LRMDA: variants seen among roughly 807,000 people sequenced by gnomAD.
LRMDA encodes leucine-rich melanocyte differentiation-associated protein.
In LRMDA, 18 loss-of-function variants were observed where a neutral mutation model predicts 29.8. The ratio of observed to expected loss-of-function variants is 0.60; its 90% CI spans 0.42 to 0.90. The LOEUF (loss-of-function observed/expected upper bound fraction) is 0.90. LRMDA is among the 40% of genes least tolerant of loss of function. LRMDA has a pLI of 0.00. For missense variants in LRMDA, 273 were observed against 273.9 expected, an observed-to-expected ratio of 1.00 and a Z score of 0.02; for synonymous variants, 125 against 109.4, an observed-to-expected ratio of 1.14 and a Z score of -0.89.
Position 75,558,633 on chromosome 10 carries a change from A to T in LRMDA, c.131+120139A>T, listed in dbSNP as rs1840248172. On this transcript the variant is annotated intron_variant, in intron 2 of 6. Transcript: ENST00000611255. ...GCCGTGCTGGTGTGCTGCACCCATT[A>T]ACTCGTCATTTAGCATTAGGTATAT... Among the ~76,000 whole-genome samples the T allele has an allele frequency of 2.0e-5, 3 of 149,356 alleles. No homozygotes were observed. The South Asian group carries it at 6.6e-4, about 33-fold the overall frequency.
intron 6 of LRMDA, among the ~76,000 whole-genome samples, chr10:76,439,298 A>C (rs1402430460): frequency 6.6e-6 from 1 of 152,194 alleles, no homozygotes. Context: ...AGGAAAGCTC[A>C]AAGACATATC....
intron 6 of LRMDA, among the ~76,000 whole-genome samples, chr10:76,335,545 A>G (rs2132412421): frequency 6.6e-6 from 1 of 152,344 alleles, no homozygotes; most frequent in Admixed American, 6.5e-5. Context: ...TCCTAATGAC[A>G]TGTGCCCAAG....
In LRMDA at chr10:76,499,302, A is replaced by G. The variant is rs1420020218; in HGVS notation, c.602-57907A>G. ...AAGTACTAATCTACTTTCTCTATAT[A>G]TGTATTTGCGCATTCTGGACATTTC... On this transcript the variant is annotated intron_variant, in intron 6 of 6. Coordinates refer to ENST00000611255, the MANE Select transcript of LRMDA (RefSeq NM_001305581.2). Among the ~76,000 whole-genome samples, 2 of 73,992 alleles carry G rather than the reference A, an allele frequency of 2.7e-5. 1 individual carries two copies. The highest frequency in any genetic ancestry group is 6.6e-5 in the African/African-American group (2 of 30,478). 48.5% of individuals were successfully genotyped at this position (73,992 alleles called of 152,430 possible).
At chr10:75,497,619 C>A (rs1026870001) in intron 2 of LRMDA, among the ~76,000 whole-genome samples, 1 of 151,404 alleles carries the variant, frequency 6.6e-6, no homozygotes, top group African/African-American at 2.4e-5. Flanking sequence ...CCTGCTCCCT[C>A]CCCTCCATAG....
chr10:76,080,891 A>G (rs1849038630), intron 5 of LRMDA, among the ~76,000 whole-genome samples: 1 of 152,066 alleles, frequency 6.6e-6, no homozygotes, highest in Non-Finnish European at 1.5e-5. Flanking sequence ...GCTTGCTTAT[A>G]TTTTCAGTTA....
At chr10:75,689,545 G>GT (rs1411667885) in intron 2 of LRMDA, among the ~76,000 whole-genome samples, 2 of 152,144 alleles carry the variant, frequency 1.3e-5, no homozygotes, top group African/African-American at 4.8e-5. Context: ...ATCATCGGAT[G>GT]TGAGTTATCT....
chr10:75,728,179 A>G (rs1193766884), intron 2 of LRMDA, among the ~76,000 whole-genome samples: 1 of 152,154 alleles, frequency 6.6e-6, no homozygotes, highest in Non-Finnish European at 1.5e-5. Context: ...TGTTGGTTTG[A>G]CTGCAAAGCC....
intron 2 of LRMDA, among the ~76,000 whole-genome samples, chr10:76,000,355 G>A (rs1020418434): frequency 2.0e-5 from 3 of 152,130 alleles, no homozygotes; most frequent in Admixed American, 6.5e-5. Flanking sequence ...TCTCCTGGGA[G>A]CCATCAGCCT....
intron 2 of LRMDA, among the ~76,000 whole-genome samples, chr10:75,742,176 C>T (rs541349829): frequency 1.6e-4 from 25 of 152,324 alleles, no homozygotes; most frequent in South Asian, 4.1e-4. Context: ...GTAAGATGCA[C>T]GTTCCTTGCT....
chr10:76,501,759 G>T (rs1482308852), intron 6 of LRMDA, among the ~76,000 whole-genome samples: 2 of 151,572 alleles, frequency 1.3e-5, no homozygotes, highest in South Asian at 2.1e-4. Context: ...TGGATATTAG[G>T]TCTTTGTTGG....
At chr10:76,301,737 A>C (rs1481933921) in intron 5 of LRMDA, among the ~76,000 whole-genome samples, 2 of 152,246 alleles carry the variant, frequency 1.3e-5, no homozygotes, top group Non-Finnish European at 2.9e-5. Context: ...AACAGTAGAA[A>C]TAACCTTTTG....
intron 2 of LRMDA, among the ~76,000 whole-genome samples, chr10:75,900,917 T>G (rs1845659546): frequency 6.6e-6 from 1 of 152,194 alleles, no homozygotes; most frequent in South Asian, 2.1e-4. Context: ...TGCTGGATAA[T>G]CATATTTGCA....
chr10:75,717,975 C>A (rs1842522098), intron 2 of LRMDA, among the ~76,000 whole-genome samples: 1 of 152,074 alleles, frequency 6.6e-6, no homozygotes, highest in Admixed American at 6.5e-5. Context: ...ATGTAGTCCC[C>A]AGCTAGTGAG....
chr10:75,638,921 A>G (rs1376485949), intron 2 of LRMDA, among the ~76,000 whole-genome samples: 4 of 152,236 alleles, frequency 2.6e-5, no homozygotes, highest in Non-Finnish European at 4.4e-5. Flanking sequence ...TAAGTAAGAA[A>G]TACCAGTAGT....
At chr10:75,445,747 G>A (rs1202169340) in intron 2 of LRMDA, among the ~76,000 whole-genome samples, 11 of 152,262 alleles carry the variant, frequency 7.2e-5, no homozygotes, top group Non-Finnish European at 1.6e-4. Flanking sequence ...ACAGCAGGCA[G>A]AGCAGAGCTC....
At chr10:76,457,597 T>C (rs888517726) in intron 6 of LRMDA, among the ~76,000 whole-genome samples, 6 of 152,292 alleles carry the variant, frequency 3.9e-5, no homozygotes, top group Admixed American at 1.3e-4. Flanking sequence ...AAGAAGGCCA[T>C]GATGTGCCCT....
chr10:75,800,621 A>G (rs1323837735), intron 2 of LRMDA, among the ~76,000 whole-genome samples: 1 of 151,900 alleles, frequency 6.6e-6, no homozygotes, highest in African/African-American at 2.4e-5. Context: ...TGTAGTTTCA[A>G]ATTTTCTGCT....
chr10:76,287,020 GAC>G (rs1840279839), intron 5 of LRMDA, among the ~76,000 whole-genome samples: 4 of 152,054 alleles, frequency 2.6e-5, no homozygotes, highest in Admixed American at 2.6e-4. Flanking sequence ...TAATGGCAGA[GAC>G]AATGATATAA....
intron 2 of LRMDA, among the ~76,000 whole-genome samples, chr10:75,755,412 A>C (rs1196750216): frequency 6.6e-6 from 1 of 152,226 alleles, no homozygotes. Flanking sequence ...GAACTCCATT[A>C]GTTGGGGTTG....
Sources: allele counts gnomAD v4.1 joint callset (sites outside exome capture counted in the v4.1 genomes callset), GRCh38; gene constraint gnomAD v4.1.1; transcripts MANE v1.5; gene names NCBI Gene and HGNC (gene_info 2026-07-23, HGNC 2026-07-21).